The following NCOA1 variants were observed in gnomAD, a reference collection of about 807,000 sequenced individuals.
The protein encoded by NCOA1 is nuclear receptor coactivator 1, also known as Hin-2 protein.
A neutral mutation model predicts 150.9 loss-of-function variants in NCOA1; 35 were observed. The ratio of observed to expected loss-of-function variants is 0.23; its 90% CI spans 0.18 to 0.31. The LOEUF is 0.31. NCOA1 is among the 10% of genes least tolerant of loss of function. NCOA1 has a pLI of 1.00. For missense variants in NCOA1, 1,491 were observed against 1,749.3 expected (o/e 0.85, Z 2.63); for synonymous variants, 590 against 630.0 (o/e 0.94, Z 0.95).
At chr2:24,574,848 T>C (rs1395651406) in intron 2 of NCOA1, among the ~76,000 whole-genome samples, 1 of 152,180 alleles carries the variant, frequency 6.6e-6, no homozygotes. Context: ...AGAAGTTTGC[T>C]CTCATGCATA....
chr2:24,634,138 TG>T (rs56057758), intron 3 of NCOA1, among the ~76,000 whole-genome samples: 3,238 of 152,274 alleles, frequency 0.021, 114 homozygotes, highest in African/African-American at 0.072. Flanking sequence ...GATATGTGTA[TG>T]TCCTAAAATA....
chr2:24,628,643 A>G (rs1669538972), intron 3 of NCOA1, among the ~76,000 whole-genome samples: 1 of 152,236 alleles, frequency 6.6e-6, no homozygotes, highest in Admixed American at 6.5e-5. Context: ...AGAAAATGCT[A>G]TGAAAGTACA....
At chr2:24,504,185 G>A (rs1175331575) in intron 1 of NCOA1, among the ~76,000 whole-genome samples, 1 of 152,226 alleles carries the variant, frequency 6.6e-6, no homozygotes, top group African/African-American at 2.4e-5. Context: ...TATGATCTGG[G>A]TAGGCTTTCT....
chr2:24,701,638 A>G (rs760795821), intron 11 of NCOA1, among the ~76,000 whole-genome samples: 35 of 152,238 alleles, frequency 2.3e-4, no homozygotes, highest in South Asian at 1.0e-3. Flanking sequence ...GCATGATGGA[A>G]TTACAAATGA....
intron 2 of NCOA1, among the ~76,000 whole-genome samples, chr2:24,581,262 A>G (rs934817091): frequency 3.3e-5 from 5 of 152,230 alleles, no homozygotes; most frequent in East Asian, 3.8e-4. Context: ...TGAAGGTCCA[A>G]GCTCTCCATG....
At chr2:24,545,869 T>G (rs1036362135) in intron 1 of NCOA1, among the ~76,000 whole-genome samples, 4 of 152,196 alleles carry the variant, frequency 2.6e-5, no homozygotes, top group African/African-American at 9.6e-5. Context: ...CTCGGCTCAC[T>G]GCAACCTCTG....
intron 19 of NCOA1, among the ~76,000 whole-genome samples, chr2:24,746,399 TGG>T (rs1203224579): frequency 1.3e-5 from 2 of 151,798 alleles, no homozygotes; most frequent in Non-Finnish European, 2.9e-5. Flanking sequence ...AAAAATCAGC[TGG>T]GTGTGGTGGT....
intron 1 of NCOA1, among the ~76,000 whole-genome samples, chr2:24,495,448 C>CCT (rs1477689536): frequency 6.6e-6 from 1 of 151,918 alleles, no homozygotes; most frequent in Non-Finnish European, 1.5e-5. Flanking sequence ...GAAGACTCAC[C>CCT]CTCATCTTGG....
At chr2:24,518,197 G>A (rs547762069) in intron 1 of NCOA1, among the ~76,000 whole-genome samples, 6 of 152,024 alleles carry the variant, frequency 3.9e-5, no homozygotes, top group South Asian at 4.2e-4. Context: ...ATTAATGAAC[G>A]TATTTTACCA....
chr2:24,509,333 T>C (rs528703410), intron 1 of NCOA1, among the ~76,000 whole-genome samples: 9 of 152,244 alleles, frequency 5.9e-5, no homozygotes, highest in Non-Finnish European at 1.3e-4. Flanking sequence ...CTTGTGCTCA[T>C]AATCACTTTG....
chr2:24,499,291 A>T (rs1282700958), intron 1 of NCOA1, among the ~76,000 whole-genome samples: 3 of 152,172 alleles, frequency 2.0e-5, no homozygotes, highest in Admixed American at 1.3e-4. Context: ...TGATAAGGAA[A>T]ATCCTGCCAT....
intron 8 of NCOA1, among the ~76,000 whole-genome samples, chr2:24,686,248 C>T (rs1215843788): frequency 6.6e-6 from 1 of 152,136 alleles, no homozygotes; most frequent in Admixed American, 6.5e-5. Flanking sequence ...GGTGATCTGC[C>T]TGCCTCAGCC....
At chr2:24,566,554 GCACTGTAAGTTTC>G (rs1376714628) in intron 2 of NCOA1, among the ~76,000 whole-genome samples, 1 of 152,160 alleles carries the variant, frequency 6.6e-6, no homozygotes, top group Admixed American at 6.5e-5. Context: ...CCCAGAAAAA[GCACTGTAAGTTTC>G]CATTCCAGTC....
At chr2:24,722,921 G>T (rs1388876031) in intron 14 of NCOA1, among the ~76,000 whole-genome samples, 1 of 149,614 alleles carries the variant, frequency 6.7e-6, no homozygotes, top group Non-Finnish European at 1.5e-5. Context: ...ACCCAAGGAG[G>T]TGGAGGTTGC....
intron 1 of NCOA1, chr2:24,555,995 C>T (rs955155906): frequency 2.6e-5 from 4 of 151,624 alleles, no homozygotes; most frequent in Non-Finnish European, 5.9e-5. Context: ...TTTATTTTTT[C>T]CTCTTTATTT....
At chr2:24,517,322 G>C (rs916023644) in intron 1 of NCOA1, among the ~76,000 whole-genome samples, 1 of 151,474 alleles carries the variant, frequency 6.6e-6, no homozygotes, top group Non-Finnish European at 1.5e-5. Flanking sequence ...TGTCACTGCT[G>C]TTCTGTTTGC....
At chr2:24,578,159 G>A (rs1243593060) in intron 2 of NCOA1, among the ~76,000 whole-genome samples, 2 of 152,076 alleles carry the variant, frequency 1.3e-5, no homozygotes, top group African/African-American at 2.4e-5. Flanking sequence ...AGTATCTTTA[G>A]TATTAAGAAA....
intron 1 of NCOA1, among the ~76,000 whole-genome samples, chr2:24,548,850 G>T (rs1299588579): frequency 6.6e-6 from 1 of 152,196 alleles, no homozygotes; most frequent in Non-Finnish European, 1.5e-5. Context: ...GGCTTTGCAG[G>T]GTACAGCCTT....
At chr2:24,637,301 G>A (rs1462790821) in intron 3 of NCOA1, among the ~76,000 whole-genome samples, 1 of 140,096 alleles carries the variant, frequency 7.1e-6, no homozygotes, top group African/African-American at 2.7e-5. Flanking sequence ...CAGGGATCTA[G>A]AACGAGAAAT....
Sources: gnomAD v4.1 joint callset for allele counts (sites outside exome capture counted in the v4.1 genomes callset) on GRCh38, gnomAD v4.1.1 for gene constraint, MANE v1.5 for transcripts, NCBI Gene and HGNC (gene_info 2026-07-23, HGNC 2026-07-21) for gene names.